SYN3: variants seen among roughly 807,000 people sequenced by gnomAD.
SYN3 encodes the protein synapsin-3.
In SYN3, 35 loss-of-function variants were observed where a neutral mutation model predicts 65.8. The ratio of observed to expected loss-of-function variants is 0.53; its 90% CI spans 0.41 to 0.70. The LOEUF is 0.70. Ranked by LOEUF, SYN3 falls within the 30% of genes least tolerant of loss-of-function variation. The probability of loss-of-function intolerance (pLI) is 0.00; values close to 1 mark genes in which losing one functional copy is unlikely to be tolerated. For synonymous variants in SYN3, 270 were observed against 292.9 expected (o/e 0.92, Z 0.80); for missense variants, 680 against 749.0 (o/e 0.91, Z 1.08).
At chr22:32,889,292 C>T (rs1024444106) in intron 4 of SYN3, among the ~76,000 whole-genome samples, 2 of 152,104 alleles carry the variant, frequency 1.3e-5, no homozygotes, top group African/African-American at 2.4e-5. Flanking sequence ...CCTTTGCCCC[C>T]AGCTCCATTC....
chr22:32,835,882 C>T (rs990573735), intron 6 of SYN3, among the ~76,000 whole-genome samples: 19 of 152,212 alleles, frequency 1.2e-4, no homozygotes, highest in Middle Eastern at 3.2e-3. Context: ...TTAGACATTA[C>T]AAGAGTTATG....
intron 6 of SYN3, among the ~76,000 whole-genome samples, chr22:32,858,532 T>C (rs2048443116): frequency 1.3e-5 from 2 of 152,052 alleles, no homozygotes; most frequent in South Asian, 4.2e-4. Context: ...CCACCCCAGG[T>C]AGGCAAATGG....
At chr22:32,621,104 G>A (rs1431504761) in intron 6 of SYN3, among the ~76,000 whole-genome samples, 1 of 152,176 alleles carries the variant, frequency 6.6e-6, no homozygotes, top group Non-Finnish European at 1.5e-5. Flanking sequence ...TGGAGCAAGA[G>A]CACATGACCA....
At chr22:32,671,422 C>T (rs1350641701) in intron 6 of SYN3, among the ~76,000 whole-genome samples, 3 of 151,450 alleles carry the variant, frequency 2.0e-5, no homozygotes, top group South Asian at 2.1e-4. Context: ...CATACATACT[C>T]ACACATCCAC....
chr22:32,663,638 G>A (rs1188253637), intron 6 of SYN3, among the ~76,000 whole-genome samples: 2 of 152,146 alleles, frequency 1.3e-5, no homozygotes, highest in Admixed American at 6.5e-5. Context: ...TCTCGGGTAT[G>A]TCTTTATTAG....
chr22:32,615,369 G>T (rs1044543121), intron 6 of SYN3, among the ~76,000 whole-genome samples: 2 of 148,708 alleles, frequency 1.3e-5, no homozygotes, highest in Non-Finnish European at 3.0e-5. Flanking sequence ...AGGAGGCGGA[G>T]GTTGCAGTGA....
intron 6 of SYN3, among the ~76,000 whole-genome samples, chr22:32,602,674 A>G (rs1264284344): frequency 6.6e-6 from 1 of 152,042 alleles, no homozygotes; most frequent in East Asian, 1.9e-4. Flanking sequence ...GTTGGCCAGG[A>G]TGGTCTTCAT....
In SYN3 at chr22:32,541,734, G is replaced by GA. The variant is rs141940631; in HGVS notation, c.775-22dup. 4,047 of 1,610,730 alleles carry GA rather than the reference G, an allele frequency of 2.5e-3. 84 individuals are homozygous for GA. In the African/African-American group the frequency reaches 0.048, roughly 19 times the overall value. On this transcript the variant is annotated intron_variant, in intron 7 of 13. Transcript: ENST00000358763. The stretch of plus-strand genomic sequence containing the variant: ...TTGATCTGTGTGGGAGGATGAGGGG[G>GA]ATGAGTGCCACCCACCCCGTGTTCA...
chr22:32,531,010 C>G (rs1267214559), intron 10 of SYN3, among the ~76,000 whole-genome samples: 1 of 151,704 alleles, frequency 6.6e-6, no homozygotes, highest in African/African-American at 2.4e-5. Context: ...CCCTCAGGCT[C>G]CTCCCCATAG....
chr22:32,621,884 G>T (rs1383745580), intron 6 of SYN3, among the ~76,000 whole-genome samples: 1 of 152,186 alleles, frequency 6.6e-6, no homozygotes, highest in Non-Finnish European at 1.5e-5. Flanking sequence ...CAGGCCTCCT[G>T]ACTCAGATCT....
intron 7 of SYN3, among the ~76,000 whole-genome samples, chr22:32,580,220 C>T (rs1295233477): frequency 3.3e-5 from 5 of 152,202 alleles, no homozygotes; most frequent in African/African-American, 1.2e-4. Context: ...CCAAAGCCAG[C>T]GCACCACCCG....
intron 9 of SYN3, 103 bp downstream of exon 9, chr22:32,537,933 G>A: frequency 9.9e-7 from 1 of 1,012,458 alleles, no homozygotes; most frequent in Non-Finnish European, 1.5e-6. Flanking sequence ...GTGAGGCACT[G>A]GACGGAGGGC....
At chr22:32,575,393 C>A (rs549662882) in intron 7 of SYN3, among the ~76,000 whole-genome samples, 2 of 151,954 alleles carry the variant, frequency 1.3e-5, no homozygotes, top group Non-Finnish European at 2.9e-5. Context: ...CCATGACAGA[C>A]GTGTTCTGGC....
At chr22:32,910,511 C>T (rs956019157) in intron 4 of SYN3, among the ~76,000 whole-genome samples, 2 of 152,226 alleles carry the variant, frequency 1.3e-5, no homozygotes, top group South Asian at 2.1e-4. Flanking sequence ...TTATTGAGTA[C>T]GTTCTTTGTG....
At chr22:33,051,833 G>C (rs1196148733) in intron 1 of SYN3, among the ~76,000 whole-genome samples, 2 of 152,186 alleles carry the variant, frequency 1.3e-5, no homozygotes, top group East Asian at 1.9e-4. Flanking sequence ...GACAATATAA[G>C]GAGGAACCAG....
intron 6 of SYN3, among the ~76,000 whole-genome samples, chr22:32,598,508 C>G (rs1418525225): frequency 6.6e-6 from 1 of 151,986 alleles, no homozygotes; most frequent in Non-Finnish European, 1.5e-5. Flanking sequence ...TTTTTTGAGA[C>G]AGAGTCTCAC....
intron 7 of SYN3, among the ~76,000 whole-genome samples, chr22:32,560,004 G>T (rs111519254): frequency 2.0e-4 from 30 of 152,334 alleles, no homozygotes; most frequent in African/African-American, 6.0e-4. Flanking sequence ...ACTGGGAAGG[G>T]CAAAACGCCT....
intron 6 of SYN3, among the ~76,000 whole-genome samples, chr22:32,613,831 C>T (rs1235133834): frequency 2.0e-5 from 3 of 152,108 alleles, no homozygotes; most frequent in Non-Finnish European, 2.9e-5. Context: ...GTTTTTCAGC[C>T]CTGCCTAGGG....
At chr22:32,610,801 C>T (rs1286774085) in intron 6 of SYN3, among the ~76,000 whole-genome samples, 1 of 152,118 alleles carries the variant, frequency 6.6e-6, no homozygotes, top group Non-Finnish European at 1.5e-5. Flanking sequence ...AGGCTGGTCT[C>T]GAACTCTCGA....
Sources: allele counts gnomAD v4.1 joint callset (sites outside exome capture counted in the v4.1 genomes callset), GRCh38; gene constraint gnomAD v4.1.1; transcripts MANE v1.5; gene names NCBI Gene and HGNC (gene_info 2026-07-23, HGNC 2026-07-21).